Variants in ZMYND8 observed in about 807,000 individuals in gnomAD.
ZMYND8 encodes zinc finger MYND-type containing 8.
Under a neutral mutation model 140.8 loss-of-function variants are expected in ZMYND8, and 37 were observed. The ratio of observed to expected loss-of-function variants is 0.26; its 90% CI spans 0.20 to 0.35. The LOEUF is 0.35. ZMYND8 is among the 10% of genes least tolerant of loss of function. The pLI is 1.00. For synonymous variants in ZMYND8, 592 were observed against 597.1 expected (o/e 0.99, Z 0.12); for missense variants, 1,068 against 1,570.0 (o/e 0.68, Z 5.40).
At chr20:47,264,209 G>A (rs1601412308) in intron 11 of ZMYND8, among the ~76,000 whole-genome samples, 1 of 152,186 alleles carries the variant, frequency 6.6e-6, no homozygotes, top group Non-Finnish European at 1.5e-5. Flanking sequence ...CAATGTCGTC[G>A]ATCTATGTCA....
chr20:47,222,267 G>A (rs1489055819), intron 19 of ZMYND8, among the ~76,000 whole-genome samples: 4 of 152,222 alleles, frequency 2.6e-5, no homozygotes, highest in African/African-American at 7.2e-5. Context: ...CGGGTGCGGC[G>A]GCTCATGCCT....
intron 11 of ZMYND8, among the ~76,000 whole-genome samples, chr20:47,268,564 A>AT (rs1436431933): frequency 6.6e-6 from 1 of 150,646 alleles, no homozygotes; most frequent in Non-Finnish European, 1.5e-5. Flanking sequence ...AAGTGCTGGG[A>AT]TTACAGGTGT....
intron 13 of ZMYND8, among the ~76,000 whole-genome samples, chr20:47,246,885 T>A (rs2040622719): frequency 6.6e-6 from 1 of 152,096 alleles, no homozygotes; most frequent in Non-Finnish European, 1.5e-5. Context: ...TGATCCAATT[T>A]ACAGATTAGA....
At chr20:47,220,151 T>G in intron 21 of ZMYND8, 107 bp downstream of exon 21, 10 of 972,412 alleles carry the variant, frequency 1.0e-5, no homozygotes, top group African/African-American at 1.7e-5. Flanking sequence ...TCCATAATCG[T>G]TTGGAAACCA....
intron 21 of ZMYND8, among the ~76,000 whole-genome samples, chr20:47,214,226 T>C (rs535241078): frequency 6.6e-6 from 1 of 152,296 alleles, no homozygotes; most frequent in East Asian, 1.9e-4. Flanking sequence ...TAGAAGGGGA[T>C]CAAAACTGAG....
intron 11 of ZMYND8, among the ~76,000 whole-genome samples, chr20:47,270,617 T>G (rs1178119392): frequency 1.4e-5 from 2 of 143,248 alleles, no homozygotes; most frequent in African/African-American, 5.2e-5. Context: ...CCCCAGCTAC[T>G]CAGGAGGCTA....
chr20:47,298,336 C>A lies in ZMYND8; in HGVS notation c.453+393G>T, dbSNP rs2077779189. The A allele has an allele frequency of 1.0e-6, 1 of 985,266 alleles. No homozygotes were observed. The highest frequency in any genetic ancestry group is 1.7e-5 in the African/African-American group (1 of 57,218). 61.0% of individuals were successfully genotyped at this position (985,266 alleles called of 1,614,324 possible). ...CGTGGTCTTCTCAGCTTGGCTACTGCTGATGATTCAATGATGCGGCAGGCA... is the reference window on the plus strand; with the variant it reads ...CGTGGTCTTCTCAGCTTGGCTACTGATGATGATTCAATGATGCGGCAGGCA... On this transcript the variant is annotated intron_variant, in intron 4 of 22. Transcript: ENST00000471951. This position sits in a 1 kb window ranked among gnomAD's most constrained non-coding sequence, Gnocchi z 5.0.
In ZMYND8 at chr20:47,247,552, C is replaced by T. The variant is rs564755544; in HGVS notation, c.1775-1035G>A. ...ACAATAGTTCCATTTAACCCATTTA[C>T]GGCTCCTGCCCCCAACCATATGTTA... On this transcript the variant is annotated intron_variant, in intron 13 of 22. Transcript: ENST00000471951. Among the ~76,000 whole-genome samples, 149 of 152,294 alleles carry T rather than the reference C, an allele frequency of 9.8e-4. No homozygotes were observed. In the Middle Eastern group the frequency reaches 0.017, roughly 17 times the overall value.
intron 10 of ZMYND8, 146 bp from the exon 11 acceptor site, chr20:47,276,941 G>C (rs996510256): frequency 1.2e-6 from 1 of 855,738 alleles, no homozygotes; most frequent in Non-Finnish European, 1.6e-6. Flanking sequence ...TTGGTTTGAA[G>C]GATTAATTAA....
chr20:47,220,350 G>A, intron 20 of ZMYND8, 26 bp from the exon 21 acceptor site: 1 of 1,540,042 alleles, frequency 6.5e-7, no homozygotes, highest in East Asian at 2.4e-5. Flanking sequence ...GAAAAAGATG[G>A]ACTCAAGGCA....
chr20:47,224,125 C>T (rs552584731), intron 19 of ZMYND8, among the ~76,000 whole-genome samples, 192 bp downstream of exon 19: 27 of 152,364 alleles, frequency 1.8e-4, no homozygotes, highest in African/African-American at 6.3e-4. Flanking sequence ...TCAAAATGCC[C>T]ATGGCTCAAG....
In ZMYND8 at chr20:47,238,379, T is replaced by C. The variant is rs555843371; in HGVS notation, c.2665+379A>G. ...GCGCACATATATACATACAGATATG[T>C]ATATATACATATACATGCATACATG... On this transcript the variant is annotated intron_variant, in intron 15 of 22. Coordinates refer to ENST00000471951, the MANE Select transcript of ZMYND8 (RefSeq NM_001281775.3). 73 of 312,848 alleles carry C rather than the reference T, an allele frequency of 2.3e-4. No individual in the cohort carries two copies. In the East Asian group the frequency reaches 5.6e-3, roughly 24 times the overall value. 19.4% of individuals were successfully genotyped at this position (312,848 alleles called of 1,614,324 possible). A position where few individuals can be genotyped will look rare whatever the true frequency, so the allele number is the denominator to read the frequency against.
intron 2 of ZMYND8, among the ~76,000 whole-genome samples, chr20:47,341,526 C>CAAAAA (rs112093006): frequency 1.8e-5 from 1 of 56,306 alleles, no homozygotes; most frequent in African/African-American, 5.5e-5. Context: ...GACTCCATCT[C>CAAAAA]AAAAAAAAAA....
chr20:47,234,889 C>T (rs2039004241), intron 16 of ZMYND8, among the ~76,000 whole-genome samples: 1 of 152,062 alleles, frequency 6.6e-6, no homozygotes, highest in East Asian at 1.9e-4. Flanking sequence ...CCTGTAATCC[C>T]AACACTTTGG....
At chr20:47,266,269 G>C (rs2075514874) in intron 11 of ZMYND8, among the ~76,000 whole-genome samples, 1 of 138,174 alleles carries the variant, frequency 7.2e-6, no homozygotes, top group Non-Finnish European at 1.6e-5. Context: ...CATTCTTTTT[G>C]TTTTTGGGGG....
At chr20:47,341,732 G>A (rs1356230886) in intron 2 of ZMYND8, among the ~76,000 whole-genome samples, 6 of 152,032 alleles carry the variant, frequency 3.9e-5, no homozygotes, top group Non-Finnish European at 5.9e-5. Context: ...GGCCGGGCGC[G>A]GTGGCTCGTG....
chr20:47,276,561 T>C lies in ZMYND8; in HGVS notation c.1233A>G (p.Ile411Met). The C allele has an allele frequency of 6.2e-7, 1 of 1,613,962 alleles. No individual in the cohort carries two copies. Among genetic ancestry groups the C allele is most frequent in the East Asian group, 2.2e-5 (1 of 44,826 alleles). ...PTNPSAGTAK[I>M]DKQEKVKLNF... ...TGAGCTTGACCTTCTCCTGCTTGTC[T>C]ATCTTGGCAGTGCCGGCGCTGGGGT... Residue 411 changes from isoleucine (I) to methionine (M), a missense_variant, in exon 11 of 23, where the codon ATA (isoleucine) becomes ATG (methionine). Around this residue, in one of 10 missense-constraint regions of ZMYND8, gnomAD observed 173 missense variants for 223.3 expected, o/e 0.77. Transcript: ENST00000471951.
chr20:47,211,834 A>AG (rs1465309385), intron 22 of ZMYND8, among the ~76,000 whole-genome samples: 2 of 152,182 alleles, frequency 1.3e-5, no homozygotes, highest in South Asian at 4.2e-4. Context: ...GCTACTACCT[A>AG]GGGGGGCTGC....
chr20:47,236,901 G>A (rs376119712), intron 15 of ZMYND8, among the ~76,000 whole-genome samples: 12 of 152,244 alleles, frequency 7.9e-5, no homozygotes, highest in Admixed American at 1.3e-4. Flanking sequence ...TGAAGTGCCC[G>A]TTAGCAAATC....
Sources: gnomAD v4.1 joint callset for allele counts (sites outside exome capture counted in the v4.1 genomes callset) on GRCh38, gnomAD v4.1.1 for gene constraint, gnomAD v4.1.1 regional missense constraint, Gnocchi (gnomAD v3.1) non-coding constraint, MANE v1.5 for transcripts, NCBI Gene and HGNC (gene_info 2026-07-23, HGNC 2026-07-21) for gene names.